Variants in DLGAP2 observed in about 807,000 individuals in gnomAD.
The protein encoded by DLGAP2 is DLG associated protein 2.
DLGAP2 carries 26 observed loss-of-function variants against 100.3 expected under a neutral mutation model. The ratio of observed to expected loss-of-function variants is 0.26; its 90% CI spans 0.19 to 0.36. The LOEUF (loss-of-function observed/expected upper bound fraction) is 0.36, where lower values mean the gene tolerates loss of function less well. Ranked by LOEUF, DLGAP2 falls within the 10% of genes least tolerant of loss-of-function variation. The probability of loss-of-function intolerance (pLI) is 1.00; values close to 1 mark genes in which losing one functional copy is unlikely to be tolerated. For synonymous variants in DLGAP2, 886 were observed against 630.1 expected (o/e 1.41, Z -6.08); for missense variants, 1,858 against 1,453.2 (o/e 1.28, Z -4.53).
chr8:1,293,220 A>T (rs183167597), intron 3 of DLGAP2, among the ~76,000 whole-genome samples: 137 of 151,656 alleles, frequency 9.0e-4, no homozygotes, highest in African/African-American at 2.5e-3. Context: ...TCTCCCTCTC[A>T]CACACACACA....
At chr8:1,546,506 T>G (rs1240724892) in intron 4 of DLGAP2, among the ~76,000 whole-genome samples, 1 of 152,260 alleles carries the variant, frequency 6.6e-6, no homozygotes, top group Non-Finnish European at 1.5e-5. Flanking sequence ...CTGGCCGTCC[T>G]GGATCCTGAA....
chr8:1,191,761 T>G (rs1797644877), intron 2 of DLGAP2, among the ~76,000 whole-genome samples: 3 of 152,192 alleles, frequency 2.0e-5, no homozygotes. Context: ...GTATTTTCCT[T>G]CTTCCAGGGG....
chr8:1,381,601 G>A (rs10113713), intron 3 of DLGAP2, among the ~76,000 whole-genome samples: 22,132 of 152,074 alleles, frequency 0.15, 2,566 homozygotes, highest in African/African-American at 0.3. Flanking sequence ...GGGCCCTGGC[G>A]CCCACTCTTC....
intron 3 of DLGAP2, among the ~76,000 whole-genome samples, chr8:1,309,463 C>G (rs1005453892): frequency 3.3e-5 from 5 of 151,950 alleles, no homozygotes; most frequent in South Asian, 4.2e-4. Flanking sequence ...TGATAAAGTT[C>G]CTAAAGAAAA....
intron 3 of DLGAP2, among the ~76,000 whole-genome samples, chr8:1,465,787 T>C (rs904319094): frequency 1.3e-5 from 2 of 152,210 alleles, no homozygotes; most frequent in Admixed American, 1.3e-4. Flanking sequence ...GTTCAGACTC[T>C]TCCCGGCCCC....
At chr8:1,432,548 A>C (rs1445441440) in intron 3 of DLGAP2, among the ~76,000 whole-genome samples, 1 of 152,234 alleles carries the variant, frequency 6.6e-6, no homozygotes, top group African/African-American at 2.4e-5. Context: ...TGGGCGAGGG[A>C]GTCCAGGGTG....
At chr8:952,159 C>T (rs953577051) in intron 2 of DLGAP2, among the ~76,000 whole-genome samples, 6 of 152,180 alleles carry the variant, frequency 3.9e-5, no homozygotes, top group African/African-American at 1.4e-4. Flanking sequence ...ATGGAACCAC[C>T]TTGTAAAATA....
chr8:1,648,063 G>A (rs992930794), intron 8 of DLGAP2, among the ~76,000 whole-genome samples: 10 of 152,214 alleles, frequency 6.6e-5, no homozygotes, highest in Non-Finnish European at 1.5e-4. Context: ...TAAGCCAGAT[G>A]AGTTTAAATT....
intron 2 of DLGAP2, among the ~76,000 whole-genome samples, chr8:1,032,396 G>A (rs983923349): frequency 1.3e-5 from 2 of 152,208 alleles, no homozygotes; most frequent in African/African-American, 2.4e-5. Flanking sequence ...TCCACAGGTG[G>A]AAGCATCCAT....
At chr8:1,490,304 A>G (rs908496235) in intron 3 of DLGAP2, among the ~76,000 whole-genome samples, 1 of 152,212 alleles carries the variant, frequency 6.6e-6, no homozygotes, top group Non-Finnish European at 1.5e-5. Flanking sequence ...TGCCACATCG[A>G]AGCACCTTAC....
chr8:1,130,512 C>T (rs1352497581), intron 2 of DLGAP2, among the ~76,000 whole-genome samples: 1 of 152,146 alleles, frequency 6.6e-6, no homozygotes, highest in Non-Finnish European at 1.5e-5. Context: ...GATGGAGGCT[C>T]AATTAGGTGA....
intron 2 of DLGAP2, among the ~76,000 whole-genome samples, chr8:1,244,450 G>C (rs1798863743): frequency 6.6e-6 from 1 of 152,228 alleles, no homozygotes; most frequent in South Asian, 2.1e-4. Context: ...TGTTGTAAAA[G>C]AGGTGCCATA....
chr8:1,414,286 G>T (rs976331630), intron 3 of DLGAP2, among the ~76,000 whole-genome samples: 2 of 152,232 alleles, frequency 1.3e-5, no homozygotes, highest in African/African-American at 2.4e-5. Flanking sequence ...CTGAGCATGT[G>T]ATTGGAGGGT....
chr8:1,441,097 C>T (rs879564852), intron 3 of DLGAP2, among the ~76,000 whole-genome samples: 2 of 151,850 alleles, frequency 1.3e-5, no homozygotes, highest in East Asian at 3.9e-4. Flanking sequence ...AAACATAATC[C>T]CAGAATAAAA....
chr8:1,000,868 A>T (rs1279631776), intron 2 of DLGAP2, among the ~76,000 whole-genome samples: 1 of 151,882 alleles, frequency 6.6e-6, no homozygotes, highest in Non-Finnish European at 1.5e-5. Flanking sequence ...GGGGGAGAGG[A>T]GAGGGAGACC....
Position 1,288,678 on chromosome 8 carries a change from A to AGTGTGT in DLGAP2, c.106+29811_106+29816dup, listed in dbSNP as rs1163735040. Among the ~76,000 whole-genome samples, 672 of 118,474 alleles carry AGTGTGT rather than the reference A, an allele frequency of 5.7e-3. 3 individuals carry two copies. The highest frequency in any genetic ancestry group is 0.021 in the African/African-American group (618 of 30,054). 77.7% of individuals were successfully genotyped at this position (118,474 alleles called of 152,430 possible). A position where few individuals can be genotyped will look rare whatever the true frequency, so the allele number is the denominator to read the frequency against. On this transcript the variant is annotated intron_variant, in intron 3 of 14. Coordinates refer to ENST00000637795, the MANE Select transcript of DLGAP2 (RefSeq NM_001346810.2). ...TTAGGAGGGGAACTTGTTTCGGTTC[A>AGTGTGT]GTGTGTGTGTGTGTGTGTGTGGTTC...
intron 1 of DLGAP2, among the ~76,000 whole-genome samples, chr8:880,795 T>G (rs745417331): frequency 2.0e-5 from 3 of 152,266 alleles, no homozygotes; most frequent in Non-Finnish European, 4.4e-5. Flanking sequence ...CACTTGCCAC[T>G]GTAACTCCTG....
At chr8:801,373 A>G (rs1312280247) in intron 1 of DLGAP2, among the ~76,000 whole-genome samples, 3 of 152,044 alleles carry the variant, frequency 2.0e-5, no homozygotes, top group African/African-American at 7.2e-5. Flanking sequence ...GTAAAGAGAA[A>G]CTGAGGAAGA....
intron 3 of DLGAP2, among the ~76,000 whole-genome samples, chr8:1,308,251 G>A (rs7007528): frequency 0.097 from 14,828 of 152,214 alleles, 782 homozygotes; most frequent in Middle Eastern, 0.2. Flanking sequence ...CATTTAATGA[G>A]ATATCTGTCA....
Sources: allele counts gnomAD v4.1 joint callset (sites outside exome capture counted in the v4.1 genomes callset), GRCh38; gene constraint gnomAD v4.1.1; transcripts MANE v1.5; gene names NCBI Gene and HGNC (gene_info 2026-07-23, HGNC 2026-07-21).